Variants in CYP2C8 observed in about 807,000 individuals in gnomAD.
The protein encoded by CYP2C8 is cytochrome P450 2C8.
In CYP2C8, 51 loss-of-function variants were observed where a neutral mutation model predicts 41.3. The ratio of observed to expected loss-of-function variants is 1.24; its 90% CI spans 0.99 to 1.56. The LOEUF is 1.56. Among genes scored for constraint, CYP2C8 ranks in the 40% most tolerant of loss-of-function variants. CYP2C8 has a pLI of 0.00. For synonymous variants in CYP2C8, 218 were observed against 205.8 expected, an observed-to-expected ratio of 1.06 and a Z score of -0.51; for missense variants, 651 against 579.9, an observed-to-expected ratio of 1.12 and a Z score of -1.26.
intron 4 of CYP2C8, 76 bp from the exon 5 acceptor site, chr10:95,058,587 A>C: frequency 7.8e-7 from 1 of 1,279,944 alleles, no homozygotes. Flanking sequence ...GATTGAAATT[A>C]TAACTATAAA....
At chr10:95,056,871 T>G (rs2033324404) in intron 5 of CYP2C8, among the ~76,000 whole-genome samples, 1 of 152,110 alleles carries the variant, frequency 6.6e-6, no homozygotes, top group African/African-American at 2.4e-5. Flanking sequence ...CTGGGAGGGT[T>G]CCTGGCTTTG....
At chr10:95,055,488 G>A (rs1017899264) in intron 5 of CYP2C8, among the ~76,000 whole-genome samples, 8 of 151,954 alleles carry the variant, frequency 5.3e-5, no homozygotes, top group African/African-American at 1.5e-4. Context: ...GAAAGTGAAC[G>A]AAAAACTTAA....
chr10:95,057,979 T>A (rs1421999322), intron 5 of CYP2C8, among the ~76,000 whole-genome samples: 1 of 152,208 alleles, frequency 6.6e-6, no homozygotes, highest in Non-Finnish European at 1.5e-5. Context: ...GATAAGCCAT[T>A]CTTTTCCATT....
chr10:95,064,993 A>T (rs772848956), intron 3 of CYP2C8, 33 bp from the exon 4 acceptor site: 2 of 1,393,288 alleles, frequency 1.4e-6, no homozygotes, highest in South Asian at 1.9e-5. Flanking sequence ...AAAAATTATT[A>T]AAAAATAAAT....
chr10:95,066,153 A>T (rs61886828), intron 3 of CYP2C8, among the ~76,000 whole-genome samples: 5,061 of 88,338 alleles, frequency 0.057, 537 homozygotes, highest in African/African-American at 0.2. Context: ...AGAGAGAGAG[A>T]GTGTGTGTGT....
In CYP2C8 at chr10:95,041,787, C is replaced by CA. The variant is rs60326519; in HGVS notation, c.1149+1102dup. Among the ~76,000 whole-genome samples, 474 of 83,138 alleles carry CA rather than the reference C, an allele frequency of 5.7e-3. 14 individuals carry two copies. Among genetic ancestry groups the CA allele is most frequent in the East Asian group, 0.026 (67 of 2,560 alleles). The allele number at this position is 83,138 out of a possible 152,430, so 54.5% of individuals were successfully genotyped here. ...TGGGCGACAGAGCGAGACTCCGTCT[C>CA]AAAAAAAAAAAAAAAAAAAAAAAAA... is the stretch of plus-strand genomic sequence containing the variant. On this transcript the variant is annotated intron_variant, in intron 7 of 8. Coordinates refer to ENST00000371270, the MANE Select transcript of CYP2C8 (RefSeq NM_000770.3).
At position 95,067,671 on chromosome 10, in the gene CYP2C8, A is replaced by G. The variant is rs755736256; in HGVS notation, c.189T>C (p.Pro63=). ...SFTNFSKVYG[P]VFTVYFGMNP... is the part of the protein sequence containing the mutation. Reference sequence around the variant, plus strand: ...TCATGCCAAAATACACGGTGAACACAGGACCATAGACTTTTGAGAACTGGG... The same window carrying G: ...TCATGCCAAAATACACGGTGAACACGGGACCATAGACTTTTGAGAACTGGG... The change falls in exon 2 of 9, where the codon CCT becomes CCC. Residue 63 remains proline, a synonymous_variant. Coordinates refer to ENST00000371270, the MANE Select transcript of CYP2C8 (RefSeq NM_000770.3). 1 of 1,614,184 alleles carries G rather than the reference A, an allele frequency of 6.2e-7. No individual in the cohort carries two copies. The highest frequency in any genetic ancestry group is 8.5e-7 in the Non-Finnish European group (1 of 1,180,036).
chr10:95,042,847 A>G (rs1481064077), intron 7 of CYP2C8, 43 bp downstream of exon 7: 1 of 1,564,086 alleles, frequency 6.4e-7, no homozygotes, highest in Non-Finnish European at 8.8e-7. Flanking sequence ...CACTATGGAA[A>G]TTTCAGAAGT....
At position 95,064,820 on chromosome 10, in the gene CYP2C8, G is replaced by A. The variant is rs2033523289; in HGVS notation, c.622C>T (p.Leu208=). Reference sequence around the variant, plus strand: ...CTTACCTGGATCCATGGGGAGTTCAGAATCCTGAAGTTTTCATTGAATCTT... The same window carrying A: ...CTTACCTGGATCCATGGGGAGTTCAAAATCCTGAAGTTTTCATTGAATCTT... ...MKRFNENFRI[L]NSPWIQVCNN... The change falls in exon 4 of 9, where the codon CTG becomes TTG. Residue 208 remains leucine, a synonymous_variant. Transcript: ENST00000371270. 1 of 1,613,946 alleles carries A rather than the reference G, an allele frequency of 6.2e-7. No homozygotes were observed. Among genetic ancestry groups the A allele is most frequent in the East Asian group, 2.2e-5 (1 of 44,862 alleles).
chr10:95,051,472 A>C (rs1477190925), intron 5 of CYP2C8, among the ~76,000 whole-genome samples: 1 of 152,062 alleles, frequency 6.6e-6, no homozygotes, highest in Non-Finnish European at 1.5e-5. Flanking sequence ...AACTTTCCAA[A>C]ACTAGAGAAA....
At chr10:95,055,765 T>C (rs2033303855) in intron 5 of CYP2C8, among the ~76,000 whole-genome samples, 1 of 152,108 alleles carries the variant, frequency 6.6e-6, no homozygotes, top group African/African-American at 2.4e-5. Flanking sequence ...TACCTACAGT[T>C]CAACAACAAA....
chr10:95,039,161 C>A (rs931553896), intron 7 of CYP2C8, 123 bp from the exon 8 acceptor site: 5 of 866,932 alleles, frequency 5.8e-6, no homozygotes, highest in Admixed American at 5.7e-5. Flanking sequence ...CAGCCAGACA[C>A]AGTAATTTAC....
At chr10:95,058,292 A>G (rs769140011) in intron 5 of CYP2C8, 43 bp downstream of exon 5, 1 of 1,610,374 alleles carries the variant, frequency 6.2e-7, no homozygotes, top group Non-Finnish European at 8.5e-7. Flanking sequence ...GAATCACAAA[A>G]TGGACAAGAA....
chr10:95,058,803 C>T (rs983757365), intron 4 of CYP2C8, among the ~76,000 whole-genome samples: 5 of 152,166 alleles, frequency 3.3e-5, no homozygotes, highest in African/African-American at 4.8e-5. Context: ...CTCCCCCCAC[C>T]ACACAACAGA....
At chr10:95,069,055 T>G (rs2033626234) in intron 1 of CYP2C8, 180 bp downstream of exon 1, 1 of 663,822 alleles carries the variant, frequency 1.5e-6, no homozygotes, top group Admixed American at 2.9e-5. Flanking sequence ...AGAGCGAGAC[T>G]CCGTCTCAAA....
At chr10:95,058,304 T>G (rs762414611) in intron 5 of CYP2C8, 31 bp downstream of exon 5, 1 of 1,611,296 alleles carries the variant, frequency 6.2e-7, no homozygotes, top group South Asian at 1.1e-5. Context: ...GGACAAGAAA[T>G]CAAAATACTG....
intron 4 of CYP2C8, among the ~76,000 whole-genome samples, chr10:95,062,071 A>G (rs1422008551): frequency 6.6e-6 from 1 of 152,156 alleles, no homozygotes; most frequent in African/African-American, 2.4e-5. Context: ...TATGTGGTCA[A>G]TTTTGGAATA....
intron 6 of CYP2C8, among the ~76,000 whole-genome samples, chr10:95,045,531 G>T (rs990268324): frequency 1.3e-5 from 2 of 152,120 alleles, no homozygotes; most frequent in Non-Finnish European, 2.9e-5. Context: ...AATTTATGCT[G>T]GCTCTCCTTA....
intron 7 of CYP2C8, among the ~76,000 whole-genome samples, chr10:95,039,825 T>C (rs914375701): frequency 1.3e-5 from 2 of 152,172 alleles, no homozygotes; most frequent in Admixed American, 6.5e-5. Context: ...ATATGTGACA[T>C]TTCATGCTCC....
Sources: gnomAD v4.1 joint callset for allele counts (sites outside exome capture counted in the v4.1 genomes callset) on GRCh38, gnomAD v4.1.1 for gene constraint, MANE v1.5 for transcripts, NCBI Gene and HGNC (gene_info 2026-07-23, HGNC 2026-07-21) for gene names.